The following SLC4A4 variants were observed in gnomAD, a reference collection of about 807,000 sequenced individuals.
SLC4A4 encodes solute carrier family 4 member 4.
A neutral mutation model predicts 111.5 loss-of-function variants in SLC4A4; 27 were observed. The observed-to-expected ratio is 0.24, with a 90% CI of 0.18 to 0.33. The LOEUF (loss-of-function observed/expected upper bound fraction) is 0.33, where lower values mean the gene tolerates loss of function less well. Among genes scored for constraint, SLC4A4 ranks in the 10% least tolerant of loss-of-function variants. The pLI is 1.00. For synonymous variants in SLC4A4, 443 were observed against 463.4 expected (o/e 0.96, Z 0.57); for missense variants, 909 against 1,315.5 (o/e 0.69, Z 4.78).
intron 16 of SLC4A4, among the ~76,000 whole-genome samples, chr4:71,522,490 C>T (rs1374722064): frequency 6.6e-6 from 1 of 152,006 alleles, no homozygotes; most frequent in Non-Finnish European, 1.5e-5. Context: ...TTTGTGGTGG[C>T]AAAATGAAAA....
chr4:71,246,878 A>G (rs1720701641), intron 2 of SLC4A4, among the ~76,000 whole-genome samples: 1 of 152,138 alleles, frequency 6.6e-6, no homozygotes, highest in African/African-American at 2.4e-5. Flanking sequence ...TTAATTGCCT[A>G]TTTGACTTTA....
intron 2 of SLC4A4, among the ~76,000 whole-genome samples, chr4:71,121,505 G>A (rs1264154424): frequency 6.6e-6 from 1 of 152,222 alleles, no homozygotes; most frequent in Non-Finnish European, 1.5e-5. Context: ...GCAGCACTCT[G>A]TGTCTAGCTC....
intron 7 of SLC4A4, among the ~76,000 whole-genome samples, chr4:71,421,716 C>T (rs1451834130): frequency 6.6e-6 from 1 of 152,158 alleles, no homozygotes; most frequent in African/African-American, 2.4e-5. Context: ...GGAAACTGAA[C>T]AACCTGCTCC....
At chr4:71,440,495 A>G in intron 7 of SLC4A4, 121 bp from the exon 8 acceptor site, 1 of 1,087,466 alleles carries the variant, frequency 9.2e-7, no homozygotes, top group Admixed American at 1.7e-5. Context: ...CAATTTGTAA[A>G]AAGGAATTTC....
intron 2 of SLC4A4, among the ~76,000 whole-genome samples, chr4:71,158,750 A>C (rs1454720019): frequency 6.6e-6 from 1 of 152,046 alleles, no homozygotes; most frequent in Admixed American, 6.6e-5. Flanking sequence ...TCTCTTTGCC[A>C]CTCATTGTGT....
At chr4:71,170,303 A>G (rs1224352708) in intron 2 of SLC4A4, among the ~76,000 whole-genome samples, 1 of 152,198 alleles carries the variant, frequency 6.6e-6, no homozygotes, top group Non-Finnish European at 1.5e-5. Flanking sequence ...TTTCTTCAGT[A>G]CTTTGCTGAA....
At chr4:71,135,195 A>G (rs1456806608) in intron 2 of SLC4A4, among the ~76,000 whole-genome samples, 4 of 152,146 alleles carry the variant, frequency 2.6e-5, no homozygotes, top group African/African-American at 7.2e-5. Flanking sequence ...ATCATGTACA[A>G]TATGATGTTT....
chr4:71,144,913 T>C (rs1744120611), intron 2 of SLC4A4, among the ~76,000 whole-genome samples: 1 of 152,178 alleles, frequency 6.6e-6, no homozygotes, highest in Non-Finnish European at 1.5e-5. Flanking sequence ...TTTGACTTCC[T>C]CTTTTCCTAA....
chr4:71,411,137 G>C (rs1005730955), intron 7 of SLC4A4, among the ~76,000 whole-genome samples: 3 of 152,072 alleles, frequency 2.0e-5, no homozygotes, highest in Admixed American at 6.5e-5. Context: ...TATCCTGCCT[G>C]GTGTCTCTCT....
At chr4:71,096,357 C>T (rs1183098393) in intron 2 of SLC4A4, among the ~76,000 whole-genome samples, 1 of 152,040 alleles carries the variant, frequency 6.6e-6, no homozygotes, top group Non-Finnish European at 1.5e-5. Flanking sequence ...CAAAACAGAA[C>T]ACTGAAAAAC....
chr4:71,478,012 A>G (rs1283961128), intron 14 of SLC4A4, among the ~76,000 whole-genome samples: 2 of 152,044 alleles, frequency 1.3e-5, no homozygotes, highest in African/African-American at 4.8e-5. Flanking sequence ...AACATGAAAA[A>G]AAGTTCATTA....
At chr4:71,329,897 A>G (rs965727076) in intron 3 of SLC4A4, among the ~76,000 whole-genome samples, 2 of 152,136 alleles carry the variant, frequency 1.3e-5, no homozygotes, top group Non-Finnish European at 2.9e-5. Context: ...TTTAGATCTT[A>G]GAGGAAAGAC....
intron 25 of SLC4A4, 47 bp from the exon 26 acceptor site, chr4:71,567,740 GA>G (rs1737618285): frequency 1.2e-6 from 1 of 868,922 alleles, no homozygotes; most frequent in South Asian, 1.6e-5. Flanking sequence ...GACAGATGAT[GA>G]AGGAAATCTG....
intron 6 of SLC4A4, among the ~76,000 whole-genome samples, chr4:71,393,672 T>C (rs932413782): frequency 6.6e-6 from 1 of 151,872 alleles, no homozygotes; most frequent in African/African-American, 2.4e-5. Flanking sequence ...AATTCCAAAA[T>C]TCATATGGGA....
At chr4:71,413,217 A>C (rs1345969556) in intron 7 of SLC4A4, among the ~76,000 whole-genome samples, 1 of 152,192 alleles carries the variant, frequency 6.6e-6, no homozygotes, top group Non-Finnish European at 1.5e-5. Flanking sequence ...CATGACTACT[A>C]CAGATTTAAT....
At chr4:71,268,107 G>T (rs1469490792) in intron 3 of SLC4A4, among the ~76,000 whole-genome samples, 1 of 110,100 alleles carries the variant, frequency 9.1e-6, no homozygotes, top group East Asian at 3.1e-4. Flanking sequence ...TGCCACTAGT[G>T]AATCTCAGCA....
At chr4:71,160,865 C>T (rs565053021) in intron 2 of SLC4A4, among the ~76,000 whole-genome samples, 42 of 152,218 alleles carry the variant, frequency 2.8e-4, no homozygotes, top group African/African-American at 9.6e-4. Context: ...ATTCCTTTCA[C>T]ATATGGACTA....
At chr4:71,292,686 A>G (rs1000761682) in intron 3 of SLC4A4, among the ~76,000 whole-genome samples, 3 of 152,154 alleles carry the variant, frequency 2.0e-5, no homozygotes, top group Non-Finnish European at 4.4e-5. Context: ...AACAGCTGCT[A>G]TACAATATAG....
intron 3 of SLC4A4, among the ~76,000 whole-genome samples, chr4:71,283,484 A>T (rs1047687130): frequency 8.5e-5 from 13 of 152,178 alleles, no homozygotes; most frequent in African/African-American, 3.1e-4. Flanking sequence ...AGCCAACAGA[A>T]TCTTGGCAGG....
Sources: gnomAD v4.1 joint callset for allele counts (sites outside exome capture counted in the v4.1 genomes callset) on GRCh38, gnomAD v4.1.1 for gene constraint, MANE v1.5 for transcripts, NCBI Gene and HGNC (gene_info 2026-07-23, HGNC 2026-07-21) for gene names.